ARSJ: variants seen among roughly 807,000 people sequenced by gnomAD.
ARSJ encodes the protein arylsulfatase family member J.
ARSJ carries 26 observed loss-of-function variants against 35.9 expected under a neutral mutation model. That is an observed-to-expected ratio of 0.72 (90% CI 0.53 to 1.00). ARSJ has a LOEUF of 1.00. Ranked by LOEUF, ARSJ falls within the 50% of genes least tolerant of loss-of-function variation. ARSJ has a pLI of 0.00. For synonymous variants in ARSJ, 294 were observed against 267.6 expected (o/e 1.10, Z -0.96); for missense variants, 667 against 723.6 (o/e 0.92, Z 0.90).
At chr4:113,949,194 A>G (rs1348954424) in intron 1 of ARSJ, among the ~76,000 whole-genome samples, 7 of 134,006 alleles carry the variant, frequency 5.2e-5, no homozygotes, top group Non-Finnish European at 8.0e-5. Flanking sequence ...GGGTGGGGTG[A>G]GGGGCTAGGG....
intron 1 of ARSJ, among the ~76,000 whole-genome samples, chr4:113,923,527 A>AT (rs549806199): frequency 6.6e-6 from 1 of 152,040 alleles, no homozygotes; most frequent in South Asian, 2.1e-4. Flanking sequence ...TTAGCGTTAG[A>AT]TTTTCTCTAT....
intron 1 of ARSJ, among the ~76,000 whole-genome samples, chr4:113,909,237 T>C (rs1004398050): frequency 6.6e-6 from 1 of 152,144 alleles, no homozygotes; most frequent in East Asian, 1.9e-4. Context: ...TTTCAAAGCA[T>C]AGAATTAGGA....
rs770656303 is a variant in ARSJ at position 113,957,335 on chromosome 4, TA to T, written c.398+21101del. 2.2e-3 allele frequency among the ~76,000 whole-genome samples: 333 copies of T among 152,156 alleles called. 1 individual carries two copies. Among genetic ancestry groups the T allele is most frequent in the Non-Finnish European group, 3.5e-3 (241 of 67,962 alleles). On this transcript the variant is annotated intron_variant, in intron 1 of 1. Coordinates refer to ENST00000315366, the MANE Select transcript of ARSJ (RefSeq NM_024590.4). ...ATATGTTAGGGATTTCTTCTTCTTT[TA>T]AAAAACTTAATTTCAGAGACCTCTC...
intron 1 of ARSJ, among the ~76,000 whole-genome samples, chr4:113,972,363 A>C (rs1727324897): frequency 6.6e-6 from 1 of 151,602 alleles, no homozygotes; most frequent in South Asian, 2.1e-4. Flanking sequence ...CTTTACCAAA[A>C]TTTCAAACTT....
At chr4:113,918,882 T>C (rs2149257398) in intron 1 of ARSJ, among the ~76,000 whole-genome samples, 1 of 152,158 alleles carries the variant, frequency 6.6e-6, no homozygotes, top group South Asian at 2.1e-4. Context: ...AGCCCCAACC[T>C]CCCAGGCTTA....
chr4:113,944,903 C>T (rs533409037), intron 1 of ARSJ, among the ~76,000 whole-genome samples: 6 of 151,810 alleles, frequency 4.0e-5, no homozygotes, highest in South Asian at 2.1e-4. Flanking sequence ...TATATATATC[C>T]GTATCTGTAT....
At chr4:113,953,824 A>G (rs1726006027) in intron 1 of ARSJ, among the ~76,000 whole-genome samples, 1 of 152,074 alleles carries the variant, frequency 6.6e-6, no homozygotes, top group Admixed American at 6.6e-5. Flanking sequence ...AAATAACTCA[A>G]TGGAAGTAAA....
intron 1 of ARSJ, among the ~76,000 whole-genome samples, chr4:113,960,187 T>C (rs1726457448): frequency 6.6e-6 from 1 of 152,120 alleles, no homozygotes; most frequent in African/African-American, 2.4e-5. Context: ...TGAGTTGTAG[T>C]GGGCATTTTA....
At chr4:113,936,881 G>A (rs898492284) in intron 1 of ARSJ, among the ~76,000 whole-genome samples, 9 of 151,760 alleles carry the variant, frequency 5.9e-5, no homozygotes, top group African/African-American at 2.2e-4. Flanking sequence ...AAATATTAAT[G>A]TGTCTTTAAC....
At chr4:113,958,508 C>A (rs1726334147) in intron 1 of ARSJ, among the ~76,000 whole-genome samples, 1 of 151,986 alleles carries the variant, frequency 6.6e-6, no homozygotes, top group African/African-American at 2.4e-5. Flanking sequence ...AAACTAGACA[C>A]CTATGATAAC....
rs115843743 is a variant in ARSJ at position 113,933,429 on chromosome 4, G to A, written c.399-29754C>T. On this transcript the variant is annotated intron_variant, in intron 1 of 1. Transcript: ENST00000315366. ...AAAACTATAGGCCAATATCAGTGATGAACAGGGATGCAAAAATTATCAACA... is the reference window on the plus strand; with the variant it reads ...AAAACTATAGGCCAATATCAGTGATAAACAGGGATGCAAAAATTATCAACA... Among the ~76,000 whole-genome samples the A allele has an allele frequency of 3.4e-3, 515 of 151,978 alleles. 4 individuals carry two copies. Among genetic ancestry groups the A allele is most frequent in the African/African-American group, 0.012 (498 of 41,518 alleles).
At chr4:113,942,870 C>T (rs1725242908) in intron 1 of ARSJ, among the ~76,000 whole-genome samples, 1 of 151,956 alleles carries the variant, frequency 6.6e-6, no homozygotes, top group South Asian at 2.1e-4. Context: ...AGCTAATAGA[C>T]ATATGTGAAG....
intron 1 of ARSJ, among the ~76,000 whole-genome samples, chr4:113,957,316 T>C (rs2149278430): frequency 6.6e-6 from 1 of 152,206 alleles, no homozygotes; most frequent in African/African-American, 2.4e-5. Context: ...CCTTATATGT[T>C]AGGGATTTCT....
Position 113,902,243 on chromosome 4 carries a change from T to A in ARSJ, c.*31A>T. 6.2e-7 allele frequency: 1 copy of A among 1,603,544 alleles called. No individual in the cohort carries two copies. The highest frequency in any genetic ancestry group is 1.3e-5 in the African/African-American group (1 of 75,064). On this transcript the variant is annotated 3_prime_UTR_variant, in exon 2 of 2. Coordinates refer to ENST00000315366, the MANE Select transcript of ARSJ (RefSeq NM_024590.4). ...AAACAGATGAAAGATAAGAACTGATTAAAGTTTAACCAAACAGGAAATATT... is the reference window on the plus strand; with the variant it reads ...AAACAGATGAAAGATAAGAACTGATAAAAGTTTAACCAAACAGGAAATATT...
chr4:113,917,070 T>G (rs764545700), intron 1 of ARSJ, among the ~76,000 whole-genome samples: 2 of 152,154 alleles, frequency 1.3e-5, no homozygotes, highest in Non-Finnish European at 2.9e-5. Flanking sequence ...TCCAAAATAT[T>G]ATACAAATAC....
intron 1 of ARSJ, among the ~76,000 whole-genome samples, chr4:113,920,570 T>C (rs1310645555): frequency 6.6e-6 from 1 of 152,154 alleles, no homozygotes. Context: ...AATGACTTTT[T>C]TTAGCCACTA....
chr4:113,923,664 C>T (rs921885311), intron 1 of ARSJ, among the ~76,000 whole-genome samples: 3 of 151,884 alleles, frequency 2.0e-5, no homozygotes, highest in African/African-American at 4.8e-5. Context: ...TTTGCACTGC[C>T]ATTGTCCATG....
At chr4:113,960,796 G>A (rs1726497109) in intron 1 of ARSJ, among the ~76,000 whole-genome samples, 1 of 151,980 alleles carries the variant, frequency 6.6e-6, no homozygotes, top group Admixed American at 6.6e-5. Flanking sequence ...ATAGGGCAGT[G>A]TTTTTCAAAC....
Position 113,903,159 on chromosome 4 carries a change from G to C in ARSJ, c.915C>G (p.Asn305Lys). ...AAGTCTTTAGAGCCAATGTCACGTT[G>C]TTGATTGCTTCATCTAAGCAGGAAA... ...AMLSCLDEAINNVTLALKTYG... is the reference protein window; with the variant it reads ...AMLSCLDEAIKNVTLALKTYG... Residue 305 changes from asparagine (N) to lysine (K), a missense_variant, in exon 2 of 2, where the codon AAC (asparagine) becomes AAG (lysine). Coordinates refer to ENST00000315366, the MANE Select transcript of ARSJ (RefSeq NM_024590.4). 1 of 1,614,154 alleles carries C rather than the reference G, an allele frequency of 6.2e-7. No homozygotes were observed. Among genetic ancestry groups the C allele is most frequent in the South Asian group, 1.1e-5 (1 of 91,078 alleles).
Sources: gnomAD v4.1 joint callset for allele counts (sites outside exome capture counted in the v4.1 genomes callset) on GRCh38, gnomAD v4.1.1 for gene constraint, MANE v1.5 for transcripts, NCBI Gene and HGNC (gene_info 2026-07-23, HGNC 2026-07-21) for gene names.